PTPRD: variants seen among roughly 807,000 people sequenced by gnomAD.
PTPRD encodes protein tyrosine phosphatase receptor type D, also known as receptor-type tyrosine-protein phosphatase delta.
PTPRD carries 34 observed loss-of-function variants against 214.5 expected under a neutral mutation model. The observed-to-expected ratio is 0.16, with a 90% CI of 0.12 to 0.21. PTPRD has a LOEUF of 0.21. PTPRD is among the 10% of genes least tolerant of loss of function. PTPRD has a pLI of 1.00. For missense variants in PTPRD, 2,545 were observed against 2,398.7 expected (o/e 1.06, Z -1.27); for synonymous variants, 1,128 against 845.7 (o/e 1.33, Z -5.79).
chr9:10,296,210 T>G (rs16925753), intron 3 of PTPRD, among the ~76,000 whole-genome samples: 7,962 of 152,204 alleles, frequency 0.052, 499 homozygotes, highest in Admixed American at 0.17. Context: ...TCTGGATTCT[T>G]TAAATTTCTA....
intron 31 of PTPRD, among the ~76,000 whole-genome samples, chr9:8,466,296 C>G (rs1258378671): frequency 1.3e-5 from 2 of 151,908 alleles, no homozygotes; most frequent in African/African-American, 4.8e-5. Flanking sequence ...CACTTCCTTA[C>G]ACTTTATCAT....
intron 3 of PTPRD, among the ~76,000 whole-genome samples, chr9:10,151,130 G>A (rs1251063620): frequency 2.1e-5 from 3 of 143,988 alleles, no homozygotes; most frequent in African/African-American, 2.6e-5. Flanking sequence ...GTGCGATCTC[G>A]GCTCACTGTA....
In PTPRD at chr9:8,720,826, T is replaced by C. The variant is rs560670957; in HGVS notation, c.64+12954A>G. ...TGAAGATGACTATCAATGAGGGGCA[T>C]AGTAACTACAATGAACCTGGATAAC... On this transcript the variant is annotated intron_variant, in intron 12 of 45. Coordinates refer to ENST00000381196, the MANE Select transcript of PTPRD (RefSeq NM_002839.4). Among the ~76,000 whole-genome samples the C allele has an allele frequency of 1.2e-3, 179 of 152,240 alleles. 1 individual carries two copies. The highest frequency in any genetic ancestry group is 4.3e-3 in the African/African-American group (177 of 41,546).
intron 8 of PTPRD, among the ~76,000 whole-genome samples, chr9:9,521,363 T>C (rs1017274248): frequency 2.0e-5 from 3 of 152,118 alleles, no homozygotes; most frequent in Non-Finnish European, 4.4e-5. Context: ...TTACAATCCA[T>C]TTGTCACCCA....
chr9:8,801,594 T>A, intron 11 of PTPRD, among the ~76,000 whole-genome samples: 1 of 152,040 alleles, frequency 6.6e-6, no homozygotes, highest in East Asian at 1.9e-4. Flanking sequence ...CACATGCCTG[T>A]AATCCCAGCT....
At chr9:9,017,049 G>C (rs1025021625) in intron 11 of PTPRD, among the ~76,000 whole-genome samples, 14 of 151,852 alleles carry the variant, frequency 9.2e-5, no homozygotes, top group African/African-American at 2.2e-4. Flanking sequence ...GTGTATTATA[G>C]ATAATGAATC....
chr9:10,504,171 G>A lies in PTPRD; in HGVS notation c.-600+108227C>T, dbSNP rs547883023. Among the ~76,000 whole-genome samples the A allele has an allele frequency of 5.2e-4, 71 of 137,580 alleles. 3 individuals carry two copies. In the South Asian group the frequency reaches 0.018, roughly 36 times the overall value. The allele number at this position is 137,580 out of a possible 152,430, so 90.3% of individuals were successfully genotyped here. A position where few individuals can be genotyped will look rare whatever the true frequency, so the allele number is the denominator to read the frequency against. On this transcript the variant is annotated intron_variant, in intron 2 of 45. Transcript: ENST00000381196. ...TACGGGGAAAGTGTCATTGAATGGC[G>A]ATTCTTGAGTCTAAAGCCAAAGGCG...
At chr9:10,512,788 C>A (rs544774211) in intron 2 of PTPRD, among the ~76,000 whole-genome samples, 1 of 151,996 alleles carries the variant, frequency 6.6e-6, no homozygotes, top group East Asian at 1.9e-4. Flanking sequence ...TAAGGACCAA[C>A]CTAAGGTTGC....
At chr9:9,686,043 T>G (rs1320655799) in intron 7 of PTPRD, among the ~76,000 whole-genome samples, 1 of 151,556 alleles carries the variant, frequency 6.6e-6, no homozygotes, top group East Asian at 1.9e-4. Context: ...CAGGAGAGCA[T>G]AAGAAAATTT....
At chr9:8,778,422 T>C (rs554664653) in intron 11 of PTPRD, among the ~76,000 whole-genome samples, 2 of 152,332 alleles carry the variant, frequency 1.3e-5, no homozygotes, top group East Asian at 3.9e-4. Context: ...CTCCTCTAAC[T>C]TCTGAGAAGT....
At chr9:9,486,088 T>G (rs1273077064) in intron 8 of PTPRD, among the ~76,000 whole-genome samples, 1 of 134,170 alleles carries the variant, frequency 7.5e-6, no homozygotes, top group Non-Finnish European at 1.5e-5. Flanking sequence ...GAGGTGGATG[T>G]TGTGGTGAGT....
chr9:8,533,819 T>C (rs1314844847), intron 14 of PTPRD, among the ~76,000 whole-genome samples: 3 of 152,016 alleles, frequency 2.0e-5, no homozygotes, highest in Non-Finnish European at 4.4e-5. Context: ...GCTTTGACAA[T>C]TACTTTTTCA....
chr9:9,247,294 T>C (rs756440032), intron 9 of PTPRD, among the ~76,000 whole-genome samples: 7 of 152,154 alleles, frequency 4.6e-5, no homozygotes, highest in Admixed American at 1.3e-4. Context: ...CTCAGTCTAT[T>C]ACTATTAGAT....
At chr9:10,053,514 T>C (rs963488882) in intron 3 of PTPRD, among the ~76,000 whole-genome samples, 12 of 152,108 alleles carry the variant, frequency 7.9e-5, no homozygotes, top group African/African-American at 2.7e-4. Context: ...TCTCAGTGGG[T>C]AAATACTGGA....
intron 43 of PTPRD, among the ~76,000 whole-genome samples, chr9:8,338,284 G>C (rs1237665516): frequency 1.3e-5 from 2 of 152,182 alleles, no homozygotes; most frequent in Admixed American, 6.6e-5. Flanking sequence ...TTTATGCATA[G>C]AACATCTTAC....
At chr9:8,319,807 G>T in intron 45 of PTPRD, 24 bp downstream of exon 45, 1 of 1,611,234 alleles carries the variant, frequency 6.2e-7, no homozygotes, top group Non-Finnish European at 8.5e-7. Flanking sequence ...CTTGAGATGC[G>T]AAAAATGCAA....
intron 9 of PTPRD, among the ~76,000 whole-genome samples, chr9:9,230,431 C>T (rs1427342673): frequency 2.6e-5 from 4 of 152,102 alleles, no homozygotes; most frequent in Non-Finnish European, 5.9e-5. Flanking sequence ...ACAGTGTTTC[C>T]CTGAGATCTG....
chr9:8,430,801 A>G (rs1590213665), intron 35 of PTPRD, among the ~76,000 whole-genome samples: 1 of 152,056 alleles, frequency 6.6e-6, no homozygotes, highest in East Asian at 1.9e-4. Context: ...TCCTAGTTCC[A>G]CTAAGAGTGC....
At chr9:10,367,846 C>A (rs376496975) in intron 2 of PTPRD, among the ~76,000 whole-genome samples, 1 of 152,070 alleles carries the variant, frequency 6.6e-6, no homozygotes, top group East Asian at 1.9e-4. Flanking sequence ...AGTACTTTAC[C>A]TCCTTGTGTT....
Sources: allele counts gnomAD v4.1 joint callset (sites outside exome capture counted in the v4.1 genomes callset), GRCh38; gene constraint gnomAD v4.1.1; transcripts MANE v1.5; gene names NCBI Gene and HGNC (gene_info 2026-07-23, HGNC 2026-07-21).